The following TOM1L2 variants were observed in gnomAD, a reference collection of about 807,000 sequenced individuals.
TOM1L2 encodes the protein target of myb1 like 2 membrane trafficking protein.
In TOM1L2, 31 loss-of-function variants were observed where a neutral mutation model predicts 67.9. The ratio of observed to expected loss-of-function variants is 0.46; its 90% confidence interval spans 0.34 to 0.62. The LOEUF (loss-of-function observed/expected upper bound fraction) is 0.62. Ranked by LOEUF, TOM1L2 falls within the 20% of genes least tolerant of loss-of-function variation. The pLI is 0.01. For missense variants in TOM1L2, 606 were observed against 663.5 expected (o/e 0.91, Z 0.95); for synonymous variants, 256 against 254.0 (o/e 1.01, Z -0.07).
At chr17:17,873,861 C>A (rs985203584) in intron 7 of TOM1L2, among the ~76,000 whole-genome samples, 2 of 152,358 alleles carry the variant, frequency 1.3e-5, no homozygotes, top group East Asian at 3.9e-4. Context: ...GCAGCTGAGG[C>A]TGCTCTGCTT....
intron 9 of TOM1L2, among the ~76,000 whole-genome samples, 178 bp downstream of exon 9, chr17:17,866,698 C>G (rs2036866363): frequency 6.6e-6 from 1 of 152,206 alleles, no homozygotes; most frequent in Non-Finnish European, 1.5e-5. Flanking sequence ...TTGCTTGCCA[C>G]CTTCCCATCA....
At chr17:17,903,137 T>C (rs184585913) in intron 2 of TOM1L2, among the ~76,000 whole-genome samples, 2 of 152,328 alleles carry the variant, frequency 1.3e-5, no homozygotes, top group African/African-American at 2.4e-5. Context: ...GCCACTGCAC[T>C]AGTCTCCGTA....
chr17:17,939,195 A>G (rs1381678866), intron 1 of TOM1L2, among the ~76,000 whole-genome samples: 1 of 152,128 alleles, frequency 6.6e-6, no homozygotes, highest in Non-Finnish European at 1.5e-5. Context: ...TCTCTCCCTA[A>G]CAGTGCCTAA....
intron 6 of TOM1L2, among the ~76,000 whole-genome samples, chr17:17,880,038 T>G (rs764549020): frequency 6.6e-6 from 1 of 152,132 alleles, no homozygotes; most frequent in Non-Finnish European, 1.5e-5. Context: ...CCAAGCTGGC[T>G]CTCCGTCTCG....
intron 1 of TOM1L2, among the ~76,000 whole-genome samples, chr17:17,931,068 T>C (rs984713096): frequency 2.0e-5 from 3 of 152,172 alleles, no homozygotes; most frequent in Admixed American, 6.5e-5. Context: ...TTAACTGCCC[T>C]TTACCATTTG....
intron 1 of TOM1L2, among the ~76,000 whole-genome samples, chr17:17,938,577 A>G (rs1230049159): frequency 6.6e-6 from 1 of 152,226 alleles, no homozygotes; most frequent in Non-Finnish European, 1.5e-5. Context: ...ATGAGACTCA[A>G]GATAGGCATG....
intron 5 of TOM1L2, 27 bp downstream of exon 5, chr17:17,884,607 T>C (rs1371001508): frequency 6.2e-7 from 1 of 1,613,498 alleles, no homozygotes; most frequent in Admixed American, 1.7e-5. Flanking sequence ...AGTAGGTCTT[T>C]CTAGAAAGTG....
intron 12 of TOM1L2, among the ~76,000 whole-genome samples, chr17:17,855,350 T>G (rs1302507591): frequency 6.6e-6 from 1 of 152,182 alleles, no homozygotes; most frequent in Admixed American, 6.5e-5. Flanking sequence ...AGCCTGGGTT[T>G]TGGCAGCAGC....
intron 1 of TOM1L2, among the ~76,000 whole-genome samples, chr17:17,948,913 A>G (rs2041066847): frequency 6.6e-6 from 1 of 152,188 alleles, no homozygotes; most frequent in Non-Finnish European, 1.5e-5. Context: ...GTGGGGGGAA[A>G]GAGTTGGAGT....
intron 8 of TOM1L2, among the ~76,000 whole-genome samples, chr17:17,868,428 T>C (rs1483123930): frequency 6.6e-6 from 1 of 152,236 alleles, no homozygotes; most frequent in East Asian, 1.9e-4. Context: ...GCCAGGTCCT[T>C]GTCCTCCTGA....
intron 12 of TOM1L2, among the ~76,000 whole-genome samples, chr17:17,854,257 A>G (rs2036146942): frequency 6.6e-6 from 1 of 152,122 alleles, no homozygotes. Context: ...AATATGAACC[A>G]AAGAAACTGT....
At chr17:17,962,364 A>G (rs2041717571) in intron 1 of TOM1L2, among the ~76,000 whole-genome samples, 1 of 151,506 alleles carries the variant, frequency 6.6e-6, no homozygotes, top group South Asian at 2.1e-4. Context: ...TCTGTCACCC[A>G]GGCTGGAGTG....
chr17:17,898,571 T>C, intron 3 of TOM1L2, 25 bp downstream of exon 3: 1 of 1,613,240 alleles, frequency 6.2e-7, no homozygotes, highest in South Asian at 1.1e-5. Flanking sequence ...AGATGACTTC[T>C]CTCCTCAAGG....
Position 17,936,675 on chromosome 17 carries a change from A to G in TOM1L2, c.53-29144T>C, listed in dbSNP as rs1023702008. 2.0e-5 allele frequency among the ~76,000 whole-genome samples: 3 copies of G among 152,224 alleles called. No individual in the cohort carries two copies. In the South Asian group the frequency reaches 6.2e-4, roughly 32 times the overall value. On this transcript the variant is annotated intron_variant, in intron 1 of 14. Coordinates refer to ENST00000379504, the MANE Select transcript of TOM1L2 (RefSeq NM_001082968.2). ...AATATTATGTAGTCATTTAATAATG[A>G]TATTTATAAGCTGTTTTTTAATTAA...
chr17:17,888,692 G>C (rs2038115956), intron 4 of TOM1L2, among the ~76,000 whole-genome samples: 1 of 152,200 alleles, frequency 6.6e-6, no homozygotes, highest in African/African-American at 2.4e-5. Flanking sequence ...AGTGCATATG[G>C]TTAGACTATT....
At chr17:17,912,938 C>A (rs976173320) in intron 1 of TOM1L2, among the ~76,000 whole-genome samples, 1 of 152,240 alleles carries the variant, frequency 6.6e-6, no homozygotes, top group Non-Finnish European at 1.5e-5. Flanking sequence ...AATCCCGGCA[C>A]CTCGGGAGGC....
chr17:17,890,238 C>A (rs1212861448), intron 4 of TOM1L2, among the ~76,000 whole-genome samples: 1 of 152,084 alleles, frequency 6.6e-6, no homozygotes, highest in Non-Finnish European at 1.5e-5. Flanking sequence ...GGTGAGGATG[C>A]GAAGCAACTA....
chr17:17,943,182 C>G (rs2040807309), intron 1 of TOM1L2, among the ~76,000 whole-genome samples: 1 of 152,156 alleles, frequency 6.6e-6, no homozygotes, highest in Non-Finnish European at 1.5e-5. Context: ...TACTTCATCT[C>G]CTGGAGAAAG....
intron 2 of TOM1L2, among the ~76,000 whole-genome samples, chr17:17,905,225 G>A (rs1283816824): frequency 6.6e-6 from 1 of 152,178 alleles, no homozygotes; most frequent in Non-Finnish European, 1.5e-5. Flanking sequence ...AGACTCCCAC[G>A]TTTTCATCCA....
Sources: allele counts gnomAD v4.1 joint callset (sites outside exome capture counted in the v4.1 genomes callset), GRCh38; gene constraint gnomAD v4.1.1; transcripts MANE v1.5; gene names NCBI Gene and HGNC (gene_info 2026-07-23, HGNC 2026-07-21).